Variants in IL33 observed in about 807,000 individuals in gnomAD.
IL33 encodes interleukin-33.
Under a neutral mutation model 27.3 loss-of-function variants are expected in IL33, and 37 were observed. That is an observed-to-expected ratio of 1.36 (90% CI 1.04 to 1.78). The LOEUF (loss-of-function observed/expected upper bound fraction) is 1.78, where lower values mean the gene tolerates loss of function less well. IL33 is among the 40% of genes most tolerant of loss of function. The pLI, the probability that IL33 is intolerant of heterozygous loss-of-function variation, is 0.00. For synonymous variants in IL33, 132 were observed against 102.9 expected, an observed-to-expected ratio of 1.28 and a Z score of -1.71; for missense variants, 406 against 311.4, an observed-to-expected ratio of 1.30 and a Z score of -2.29.
rs191310473 is a variant in IL33, at chr9:6,231,575, C to G, written c.-11-10109C>G. ...AGTCCAATTCTTTTTTATCACTGTTCATTAATAACATATTTGTACAACTAT... is the reference window on the plus strand; with the variant it reads ...AGTCCAATTCTTTTTTATCACTGTTGATTAATAACATATTTGTACAACTAT... On this transcript the variant is annotated intron_variant, in intron 1 of 7. Coordinates refer to ENST00000682010, the MANE Select transcript of IL33 (RefSeq NM_033439.4). Among the ~76,000 whole-genome samples, 84 of 152,296 alleles carry G rather than the reference C, an allele frequency of 5.5e-4. 2 individuals carry two copies. In the East Asian group the frequency reaches 0.016, roughly 28 times the overall value.
chr9:6,236,905 C>T (rs748540324), intron 1 of IL33, among the ~76,000 whole-genome samples: 2 of 152,082 alleles, frequency 1.3e-5, no homozygotes, highest in African/African-American at 4.8e-5. Flanking sequence ...GAAAGTGCTA[C>T]AGCTAAAATA....
At chr9:6,239,589 C>T (rs969365634) in intron 1 of IL33, among the ~76,000 whole-genome samples, 2 of 152,044 alleles carry the variant, frequency 1.3e-5, no homozygotes, top group African/African-American at 4.8e-5. Flanking sequence ...GAATAGCAAC[C>T]CTTTTTCAGG....
intron 1 of IL33, among the ~76,000 whole-genome samples, chr9:6,224,696 T>C (rs568280078): frequency 1.3e-5 from 2 of 152,322 alleles, no homozygotes; most frequent in Admixed American, 6.5e-5. Flanking sequence ...GAATTATGAA[T>C]AGAAATAATT....
chr9:6,224,286 T>A (rs1818539379), intron 1 of IL33, among the ~76,000 whole-genome samples: 1 of 152,162 alleles, frequency 6.6e-6, no homozygotes, highest in Admixed American at 6.6e-5. Flanking sequence ...AACTGTAAAA[T>A]CTGGAATTAA....
intron 1 of IL33, among the ~76,000 whole-genome samples, chr9:6,224,681 G>C (rs1207106670): frequency 2.6e-5 from 4 of 152,162 alleles, no homozygotes; most frequent in Non-Finnish European, 5.9e-5. Flanking sequence ...GCATGTATTT[G>C]TGGTGAATTA....
rs1816603857 is a variant in IL33, at chr9:6,254,461, G to GGTGACGGT, written c.523_530dup (p.Asp178ThrfsTer8). The GGTGACGGT allele has an allele frequency of 6.4e-7, 1 of 1,562,740 alleles. No homozygotes were observed. The highest frequency in any genetic ancestry group is 8.7e-7 in the Non-Finnish European group (1 of 1,149,386). On this transcript the variant is annotated frameshift_variant and splice_region_variant. Coordinates refer to ENST00000682010, the MANE Select transcript of IL33 (RefSeq NM_033439.4). LOFTEE classifies it high-confidence loss of function. ...ATCATTTATACTTTCTTAATTGTAAGGTGACGGTGTTGATGGTAAGATGTT... is the reference window on the plus strand; with the variant it reads ...ATCATTTATACTTTCTTAATTGTAAGGTGACGGTGTGACGGTGTTGATGGTAAGATGTT...
intron 1 of IL33, among the ~76,000 whole-genome samples, chr9:6,221,069 T>A (rs1476985522): frequency 2.0e-5 from 3 of 152,192 alleles, no homozygotes; most frequent in African/African-American, 7.2e-5. Context: ...TTGTTAAGTT[T>A]CCTTTAGTAA....
At chr9:6,227,696 G>C (rs534182082) in intron 1 of IL33, among the ~76,000 whole-genome samples, 4 of 152,210 alleles carry the variant, frequency 2.6e-5, no homozygotes, top group African/African-American at 9.6e-5. Context: ...ATCTTCTCTA[G>C]CTTGACTACC....
chr9:6,254,360 T>G (rs1387278050), intron 6 of IL33, 102 bp from the exon 7 acceptor site: 2 of 657,248 alleles, frequency 3.0e-6, no homozygotes, highest in Admixed American at 6.5e-5. Context: ...GAAGTAATTA[T>G]TTTATGTAAC....
rs187119938 is a variant in IL33 at position 6,226,526 on chromosome 9, A to C, written c.-12+10674A>C. ...CCCTCTTTTCATATTTTCCACCTCC[A>C]AGTATCTCTGGATTGTATTCTAAGG... is the stretch of plus-strand genomic sequence containing the variant. On this transcript the variant is annotated intron_variant, in intron 1 of 7. Coordinates refer to ENST00000682010, the MANE Select transcript of IL33 (RefSeq NM_033439.4). Among the ~76,000 whole-genome samples, 204 of 152,194 alleles carry C rather than the reference A, an allele frequency of 1.3e-3. 2 individuals carry two copies. The highest frequency in any genetic ancestry group is 0.013 in the Admixed American group (195 of 15,278).
At chr9:6,253,062 C>A (rs1316161895) in intron 5 of IL33, 71 bp downstream of exon 5, 1 of 1,072,336 alleles carries the variant, frequency 9.3e-7, no homozygotes, top group Non-Finnish European at 1.3e-6. Context: ...ATAAATCTAC[C>A]AAACTTTAAA....
chr9:6,220,493 T>A (rs1482276802), intron 1 of IL33, among the ~76,000 whole-genome samples: 1 of 152,242 alleles, frequency 6.6e-6, no homozygotes, highest in East Asian at 1.9e-4. Flanking sequence ...TAAGAAATGC[T>A]ATTTAAGCTG....
intron 1 of IL33, among the ~76,000 whole-genome samples, chr9:6,216,764 A>G (rs1818164288): frequency 6.6e-6 from 1 of 152,134 alleles, no homozygotes; most frequent in Admixed American, 6.5e-5. Context: ...AAAATGATGG[A>G]AACTTTGAAT....
intron 1 of IL33, among the ~76,000 whole-genome samples, chr9:6,221,994 T>C (rs1197921685): frequency 6.6e-6 from 1 of 152,036 alleles, no homozygotes; most frequent in East Asian, 1.9e-4. Flanking sequence ...AGTCAGCAAT[T>C]TGGGGAATAG....
At chr9:6,216,749 CA>C (rs956353108) in intron 1 of IL33, among the ~76,000 whole-genome samples, 12 of 151,344 alleles carry the variant, frequency 7.9e-5, no homozygotes, top group Non-Finnish European at 1.5e-4. Flanking sequence ...ATGTCATCTC[CA>C]AAAAAAATGA....
chr9:6,250,415 T>C, intron 2 of IL33, 59 bp from the exon 3 acceptor site: 4 of 1,578,660 alleles, frequency 2.5e-6, no homozygotes, highest in Non-Finnish European at 3.5e-6. Flanking sequence ...CACTCAGGAT[T>C]TGTAGAAGGA....
chr9:6,236,710 T>C (rs1587633587), intron 1 of IL33, among the ~76,000 whole-genome samples: 1 of 79,844 alleles, frequency 1.3e-5, no homozygotes. Flanking sequence ...TCTATAAAAA[T>C]ACAAAAAAAA....
At chr9:6,249,459 T>G (rs1235954678) in intron 2 of IL33, among the ~76,000 whole-genome samples, 3 of 152,236 alleles carry the variant, frequency 2.0e-5, no homozygotes, top group Non-Finnish European at 4.4e-5. Flanking sequence ...TGTGTTACAA[T>G]TTTCTTTTCT....
intron 1 of IL33, among the ~76,000 whole-genome samples, chr9:6,238,662 A>C (rs1360105486): frequency 6.6e-6 from 1 of 152,190 alleles, no homozygotes; most frequent in African/African-American, 2.4e-5. Context: ...AGCTCATAAG[A>C]GATTTAAATT....
Sources: allele counts gnomAD v4.1 joint callset (sites outside exome capture counted in the v4.1 genomes callset), GRCh38; gene constraint gnomAD v4.1.1; transcripts MANE v1.5; gene names NCBI Gene and HGNC (gene_info 2026-07-23, HGNC 2026-07-21).